The following CORIN variants were observed in gnomAD, a reference collection of about 807,000 sequenced individuals.
CORIN encodes the protein atrial natriuretic peptide-converting enzyme.
Under a neutral mutation model 125.3 loss-of-function variants are expected in CORIN, and 117 were observed. The ratio of observed to expected loss-of-function variants is 0.93; its 90% CI spans 0.80 to 1.09. The LOEUF (loss-of-function observed/expected upper bound fraction) is 1.09. Ranked by LOEUF, CORIN falls within the 50% of genes least tolerant of loss-of-function variation. The pLI is 0.00. For missense variants in CORIN, 1,253 were observed against 1,306.7 expected (o/e 0.96, Z 0.63); for synonymous variants, 450 against 466.4 (o/e 0.96, Z 0.45).
intron 1 of CORIN, among the ~76,000 whole-genome samples, chr4:47,818,347 C>T (rs146773668): frequency 5.1e-4 from 77 of 152,104 alleles, no homozygotes; most frequent in Admixed American, 6.5e-4. Context: ...AGGTCTAATA[C>T]GCTTAAAGAG....
intron 13 of CORIN, among the ~76,000 whole-genome samples, chr4:47,651,949 T>C (rs750750893): frequency 1.2e-4 from 19 of 152,158 alleles, no homozygotes; most frequent in Non-Finnish European, 2.5e-4. Flanking sequence ...AAATATTTAG[T>C]CCCCTACAAC....
In CORIN at chr4:47,643,079, A is replaced by C. The variant is rs371051187; in HGVS notation, c.2068+67T>G. 3.7e-6 allele frequency: 6 copies of C among 1,612,314 alleles called. No individual in the cohort carries two copies. The South Asian group carries it at 5.5e-5, about 15-fold the overall frequency. ...AGTAAAATCCAGGAAGTAATTTAGG[A>C]TCCATTCAGCTTCAGTGGCTGACAG... is the stretch of plus-strand genomic sequence containing the variant. On this transcript the variant is annotated intron_variant, in intron 15 of 21. Transcript: ENST00000273857.
chr4:47,768,615 AG>A (rs1729876072), intron 3 of CORIN, among the ~76,000 whole-genome samples: 2 of 152,240 alleles, frequency 1.3e-5, no homozygotes, highest in African/African-American at 4.8e-5. Context: ...CACATTAAAA[AG>A]ATCATTTACC....
intron 15 of CORIN, among the ~76,000 whole-genome samples, chr4:47,642,402 A>G (rs1461904129): frequency 6.6e-6 from 1 of 152,232 alleles, no homozygotes; most frequent in African/African-American, 2.4e-5. Context: ...TATTTCTATC[A>G]TTTCCTTCAA....
At chr4:47,680,003 C>T (rs921703565) in intron 8 of CORIN, 138 bp downstream of exon 8, 37 of 594,952 alleles carry the variant, frequency 6.2e-5, no homozygotes, top group Admixed American at 6.0e-4. Context: ...TCTTTACAGG[C>T]TAGAACCAAA....
At chr4:47,828,699 T>G (rs977982705) in intron 1 of CORIN, among the ~76,000 whole-genome samples, 2 of 152,192 alleles carry the variant, frequency 1.3e-5, no homozygotes, top group African/African-American at 4.8e-5. Flanking sequence ...GGGATTAAGA[T>G]GTGGGTTTAT....
intron 5 of CORIN, among the ~76,000 whole-genome samples, chr4:47,732,500 G>C (rs568049946): frequency 2.6e-5 from 4 of 151,630 alleles, no homozygotes; most frequent in African/African-American, 9.7e-5. Flanking sequence ...TTGTACACTA[G>C]TTCCCAGATT....
At position 47,643,260 on chromosome 4, in the gene CORIN, G is replaced by C. The variant is rs55821538; in HGVS notation, c.1958-4C>G. The C allele has an allele frequency of 8.2e-6, 13 of 1,588,800 alleles. No individual in the cohort carries two copies. Among genetic ancestry groups the C allele is most frequent in the Non-Finnish European group, 9.4e-6 (11 of 1,167,122 alleles). On this transcript the variant is annotated splice_region_variant and splice_polypyrimidine_tract_variant and intron_variant, in intron 14 of 21. Coordinates refer to ENST00000273857, the MANE Select transcript of CORIN (RefSeq NM_006587.4). The stretch of plus-strand genomic sequence containing the variant: ...AGCTCATCATCTTGGCAAAATGCTG[G>C]CATGGGGAACAAAAAGTGAGAAGGA...
At chr4:47,657,058 G>A (rs1724015729) in intron 12 of CORIN, among the ~76,000 whole-genome samples, 1 of 151,774 alleles carries the variant, frequency 6.6e-6, no homozygotes, top group Non-Finnish European at 1.5e-5. Context: ...TAAAATACCT[G>A]GAAATTAACT....
intron 16 of CORIN, among the ~76,000 whole-genome samples, chr4:47,635,668 A>AT (rs1220478135): frequency 1.3e-5 from 2 of 152,198 alleles, no homozygotes; most frequent in African/African-American, 2.4e-5. Flanking sequence ...AAGAAATCAG[A>AT]TTTTCAGTCC....
chr4:47,781,853 G>A (rs573351256), intron 3 of CORIN, among the ~76,000 whole-genome samples: 40 of 152,056 alleles, frequency 2.6e-4, no homozygotes, highest in East Asian at 1.4e-3. Flanking sequence ...CAGGAGAATC[G>A]CGTGAACCTG....
intron 12 of CORIN, among the ~76,000 whole-genome samples, chr4:47,657,056 C>G (rs1255337848): frequency 6.6e-6 from 1 of 151,966 alleles, no homozygotes; most frequent in Non-Finnish European, 1.5e-5. Context: ...AATAAAATAC[C>G]TGGAAATTAA....
Position 47,596,252 on chromosome 4 carries a change from A to C in CORIN, c.2947-349T>G, listed in dbSNP as rs61759669. On this transcript the variant is annotated intron_variant, in intron 21 of 21. Transcript: ENST00000273857. Reference sequence around the variant, plus strand: ...TTACCTCAAAATTGACCTCATTCTAATTTAAGCTTGACTTATGACTGTGGA... The same window carrying C: ...TTACCTCAAAATTGACCTCATTCTACTTTAAGCTTGACTTATGACTGTGGA... Among the ~76,000 whole-genome samples, 460 of 152,286 alleles carry C rather than the reference A, an allele frequency of 3.0e-3. 3 individuals are homozygous for C. Among genetic ancestry groups the C allele is most frequent in the Non-Finnish European group, 4.5e-3 (308 of 68,026 alleles).
In CORIN at chr4:47,620,564, CAG is replaced by C. The variant is rs34982316; in HGVS notation, c.2540+3005_2540+3006del. 5.7e-3 allele frequency among the ~76,000 whole-genome samples: 860 copies of C among 152,184 alleles called. 13 individuals carry two copies. Among genetic ancestry groups the C allele is most frequent in the East Asian group, 0.011 (57 of 5,188 alleles). ...TGGGAGAATATTCATAATGCACTAA[CAG>C]GGGTTACCTTAAGGATGATCAGGAA... On this transcript the variant is annotated intron_variant, in intron 19 of 21. Transcript: ENST00000273857.
chr4:47,814,369 T>G (rs528044559), intron 1 of CORIN, among the ~76,000 whole-genome samples: 1 of 152,296 alleles, frequency 6.6e-6, no homozygotes, highest in Non-Finnish European at 1.5e-5. Context: ...ATGTGATTTG[T>G]GTTCTTTTTT....
intron 16 of CORIN, among the ~76,000 whole-genome samples, chr4:47,638,816 T>A (rs1353941264): frequency 6.6e-6 from 1 of 152,244 alleles, no homozygotes; most frequent in East Asian, 1.9e-4. Flanking sequence ...AGAGCCATCA[T>A]ACTTCCAATC....
chr4:47,694,942 G>T (rs182623142), intron 5 of CORIN, among the ~76,000 whole-genome samples: 2 of 152,284 alleles, frequency 1.3e-5, no homozygotes, highest in African/African-American at 4.8e-5. Context: ...AGTTGATCTG[G>T]TAAGTTTCTT....
chr4:47,758,704 C>T (rs943042959), intron 4 of CORIN, among the ~76,000 whole-genome samples: 2 of 152,162 alleles, frequency 1.3e-5, no homozygotes, highest in Non-Finnish European at 2.9e-5. Flanking sequence ...GGGGCAGTTA[C>T]CCCCATGTTG....
intron 19 of CORIN, among the ~76,000 whole-genome samples, chr4:47,608,587 C>G (rs767062659): frequency 6.6e-6 from 1 of 152,234 alleles, no homozygotes; most frequent in Non-Finnish European, 1.5e-5. Flanking sequence ...TTTGTCCTCA[C>G]TGTGGTTAGT....
Sources: gnomAD v4.1 joint callset for allele counts (sites outside exome capture counted in the v4.1 genomes callset) on GRCh38, gnomAD v4.1.1 for gene constraint, MANE v1.5 for transcripts, NCBI Gene and HGNC (gene_info 2026-07-23, HGNC 2026-07-21) for gene names.